Variants in IQCK observed in about 807,000 individuals in gnomAD.
The protein encoded by IQCK is IQ motif containing K.
In IQCK, 29 loss-of-function variants were observed where a neutral mutation model predicts 28.1. The ratio of observed to expected loss-of-function variants is 1.03; its 90% CI spans 0.77 to 1.41. The LOEUF is 1.41. IQCK is among the 40% of genes most tolerant of loss of function. The probability of loss-of-function intolerance (pLI) is 0.00; values close to 1 mark genes in which losing one functional copy is unlikely to be tolerated. For missense variants in IQCK, 359 were observed against 314.7 expected (o/e 1.14, Z -1.07); for synonymous variants, 113 against 115.1 (o/e 0.98, Z 0.12).
chr16:19,733,619 C>T, intron 2 of IQCK, 79 bp from the exon 3 acceptor site: 2 of 1,504,684 alleles, frequency 1.3e-6, no homozygotes, highest in Non-Finnish European at 1.8e-6. Context: ...GAATTTTATT[C>T]CTTCATAAGG....
At chr16:19,836,503 C>T (rs2056299421) in intron 9 of IQCK, among the ~76,000 whole-genome samples, 1 of 152,182 alleles carries the variant, frequency 6.6e-6, no homozygotes, top group Non-Finnish European at 1.5e-5. Flanking sequence ...ATGATTTGCC[C>T]TAAAAGTTCA....
At chr16:19,811,627 G>A (rs2055906601) in intron 7 of IQCK, among the ~76,000 whole-genome samples, 1 of 152,196 alleles carries the variant, frequency 6.6e-6, no homozygotes, top group Non-Finnish European at 1.5e-5. Flanking sequence ...GAGTCACAGA[G>A]ATAGTGCCTT....
At chr16:19,846,707 G>C (rs925410279) in intron 9 of IQCK, among the ~76,000 whole-genome samples, 1 of 152,102 alleles carries the variant, frequency 6.6e-6, no homozygotes, top group Non-Finnish European at 1.5e-5. Context: ...AAGAAATGGA[G>C]GTAAATTTAC....
At chr16:19,759,820 G>C (rs1032213851) in intron 4 of IQCK, among the ~76,000 whole-genome samples, 1 of 152,136 alleles carries the variant, frequency 6.6e-6, no homozygotes, top group African/African-American at 2.4e-5. Context: ...TCTACAAAAA[G>C]TTTTAAAAAT....
chr16:19,802,161 AT>A (rs879393232), intron 7 of IQCK, among the ~76,000 whole-genome samples: 5 of 57,794 alleles, frequency 8.7e-5, no homozygotes, highest in East Asian at 4.5e-4. Context: ...ACAAAGACTT[AT>A]TTTTTTTTTC....
intron 7 of IQCK, among the ~76,000 whole-genome samples, chr16:19,824,924 A>G (rs1187954425): frequency 6.6e-6 from 1 of 152,124 alleles, no homozygotes; most frequent in Non-Finnish European, 1.5e-5. Context: ...TTCCATGGTG[A>G]ACTCTAGTTC....
At chr16:19,743,614 A>T (rs930954403) in intron 4 of IQCK, among the ~76,000 whole-genome samples, 16 of 152,238 alleles carry the variant, frequency 1.1e-4, no homozygotes, top group Non-Finnish European at 2.1e-4. Context: ...CTTATGGATC[A>T]GGGCTGTACA....
intron 9 of IQCK, among the ~76,000 whole-genome samples, chr16:19,853,334 G>C (rs1244512909): frequency 6.6e-6 from 1 of 152,126 alleles, no homozygotes; most frequent in Non-Finnish European, 1.5e-5. Context: ...CCATGAACAA[G>C]GTCCCTAGCT....
intron 9 of IQCK, among the ~76,000 whole-genome samples, chr16:19,837,189 G>A (rs1439078991): frequency 6.6e-6 from 1 of 152,092 alleles, no homozygotes; most frequent in South Asian, 2.1e-4. Flanking sequence ...TCACTCGAGA[G>A]CCCAGGAGTT....
chr16:19,749,521 AG>A (rs1385759104), intron 4 of IQCK, among the ~76,000 whole-genome samples: 1 of 152,218 alleles, frequency 6.6e-6, no homozygotes, highest in African/African-American at 2.4e-5. Context: ...GGACTTTAGG[AG>A]GCTGAGGCAA....
At chr16:19,744,914 G>T (rs767666372) in intron 4 of IQCK, among the ~76,000 whole-genome samples, 1 of 152,214 alleles carries the variant, frequency 6.6e-6, no homozygotes, top group African/African-American at 2.4e-5. Flanking sequence ...GACATTTCCT[G>T]TGTGTATAGC....
intron 7 of IQCK, among the ~76,000 whole-genome samples, chr16:19,817,299 G>GA (rs2056001910): frequency 6.6e-6 from 1 of 152,162 alleles, no homozygotes; most frequent in African/African-American, 2.4e-5. Flanking sequence ...GGTATTTGCT[G>GA]ATTGGCACAA....
chr16:19,855,094 T>C (rs1474940210), intron 9 of IQCK, among the ~76,000 whole-genome samples: 1 of 152,196 alleles, frequency 6.6e-6, no homozygotes, highest in East Asian at 1.9e-4. Context: ...AAGGAGACTC[T>C]GAGGGCCCTC....
chr16:19,737,878 A>C (rs1207039858), intron 4 of IQCK, among the ~76,000 whole-genome samples: 1 of 152,048 alleles, frequency 6.6e-6, no homozygotes, highest in African/African-American at 2.4e-5. Context: ...TCTTCTCTGC[A>C]TATTTAACTT....
chr16:19,783,953 T>C (rs1271546028), intron 6 of IQCK, among the ~76,000 whole-genome samples: 2 of 152,230 alleles, frequency 1.3e-5, no homozygotes, highest in Non-Finnish European at 2.9e-5. Flanking sequence ...TTCCTGCTGC[T>C]GTTCCGAAAC....
chr16:19,776,602 G>C (rs1175475652), intron 6 of IQCK, among the ~76,000 whole-genome samples: 2 of 152,162 alleles, frequency 1.3e-5, no homozygotes, highest in South Asian at 4.1e-4. Flanking sequence ...CCAGCTACTT[G>C]GGAGGCTGAG....
chr16:19,843,465 A>G lies in IQCK; in HGVS notation c.803-13022A>G, dbSNP rs1186236393. Among the ~76,000 whole-genome samples the G allele has an allele frequency of 3.9e-5, 6 of 152,192 alleles. No individual in the cohort carries two copies. The South Asian group carries it at 1.2e-3, about 32-fold the overall frequency. ...CAGTTCATATAAATGGAATCATTCA[A>G]TATGTAATCCTTTGTGACTGACTTC... is the stretch of plus-strand genomic sequence containing the variant. On this transcript the variant is annotated intron_variant, in intron 9 of 9. Coordinates refer to the IQCK transcript ENST00000320394.
intron 4 of IQCK, among the ~76,000 whole-genome samples, chr16:19,749,589 C>G (rs556224481): frequency 6.6e-6 from 1 of 151,904 alleles, no homozygotes; most frequent in Non-Finnish European, 1.5e-5. Flanking sequence ...GGTGAAACCC[C>G]GTCTCTACAA....
chr16:19,736,348 A>G (rs917037540), intron 4 of IQCK, among the ~76,000 whole-genome samples: 4 of 151,908 alleles, frequency 2.6e-5, no homozygotes, highest in Non-Finnish European at 4.4e-5. Flanking sequence ...CTGCAGCCTC[A>G]ACCTCCAGGG....
Sources: gnomAD v4.1 joint callset for allele counts (sites outside exome capture counted in the v4.1 genomes callset) on GRCh38, gnomAD v4.1.1 for gene constraint, MANE v1.5 for transcripts, NCBI Gene and HGNC (gene_info 2026-07-23, HGNC 2026-07-21) for gene names.